RBFOX1: variants seen among roughly 807,000 people sequenced by gnomAD.
RBFOX1 encodes the protein RNA binding fox-1 homolog 1.
RBFOX1 carries 8 observed loss-of-function variants against 57.7 expected under a neutral mutation model. That is an observed-to-expected ratio of 0.14 (90% CI 0.08 to 0.25). The LOEUF is 0.25. RBFOX1 is among the 10% of genes least tolerant of loss of function. The probability of loss-of-function intolerance (pLI) is 1.00; values close to 1 mark genes in which losing one functional copy is unlikely to be tolerated. For missense variants in RBFOX1, 611 were observed against 548.5 expected (o/e 1.11, Z -1.14); for synonymous variants, 326 against 222.4 (o/e 1.47, Z -4.15).
rs367667740 is a variant in RBFOX1, at chr16:6,860,401, A to G, written c.-15-191656A>G. Among the ~76,000 whole-genome samples, 51 of 152,326 alleles carry G rather than the reference A, an allele frequency of 3.3e-4. No homozygotes were observed. The East Asian group carries it at 4.1e-3, about 12-fold the overall frequency. Reference sequence around the variant, plus strand: ...TTATTTCAAACTCTTCAAATCTGCAAGTCTTACAAAACACTACACGTTGGC... The same window carrying G: ...TTATTTCAAACTCTTCAAATCTGCAGGTCTTACAAAACACTACACGTTGGC... On this transcript the variant is annotated intron_variant, in intron 3 of 15. Coordinates refer to ENST00000550418, the MANE Select transcript of RBFOX1 (RefSeq NM_018723.4).
chr16:6,269,277 A>G lies in RBFOX1; in HGVS notation c.-126-47718A>G, dbSNP rs568116016. 3.9e-5 allele frequency among the ~76,000 whole-genome samples: 6 copies of G among 152,220 alleles called. No homozygotes were observed. In the South Asian group the frequency reaches 1.2e-3, roughly 32 times the overall value. On this transcript the variant is annotated intron_variant, in intron 1 of 15. Transcript: ENST00000550418. ...ATTTAATTTGTATTATTTTTATTGT[A>G]TTGTTATTTATTTTTAAATTTTTGG...
chr16:7,707,948 A>G (rs1261382387), intron 14 of RBFOX1, among the ~76,000 whole-genome samples: 2 of 152,196 alleles, frequency 1.3e-5, no homozygotes, highest in Non-Finnish European at 2.9e-5. Flanking sequence ...GTCAGTATTA[A>G]GATAGCAGCA....
rs182532859 is a variant in RBFOX1 at position 6,307,058 on chromosome 16, C to T, written c.-126-9937C>T. Among the ~76,000 whole-genome samples the T allele has an allele frequency of 1.1e-4, 17 of 152,310 alleles. No homozygotes were observed. In the East Asian group the frequency reaches 2.9e-3, roughly 26 times the overall value. On this transcript the variant is annotated intron_variant, in intron 1 of 15. Coordinates refer to ENST00000550418, the MANE Select transcript of RBFOX1 (RefSeq NM_018723.4). ...AGAGGCAGACTAAACATTACATCAGCGTAAGGACTTCAGAGTCACACAGAA... is the reference window on the plus strand; with the variant it reads ...AGAGGCAGACTAAACATTACATCAGTGTAAGGACTTCAGAGTCACACAGAA...
chr16:5,918,657 T>C (rs1326437956), intron 4 of RBFOX1, among the ~76,000 whole-genome samples: 2 of 152,182 alleles, frequency 1.3e-5, no homozygotes, highest in African/African-American at 2.4e-5. Context: ...GCATTCCTTA[T>C]CTCCAGGAAA....
At chr16:6,555,422 G>C (rs2097080418) in intron 2 of RBFOX1, among the ~76,000 whole-genome samples, 1 of 152,154 alleles carries the variant, frequency 6.6e-6, no homozygotes, top group East Asian at 1.9e-4. Flanking sequence ...CATTCCAGCT[G>C]GGCACGGTGG....
intron 4 of RBFOX1, among the ~76,000 whole-genome samples, chr16:7,265,091 G>A (rs894159600): frequency 1.3e-5 from 2 of 152,226 alleles, no homozygotes; most frequent in Non-Finnish European, 2.9e-5. Flanking sequence ...CTTTGTTCTA[G>A]CAATATTTAT....
At chr16:5,710,416 G>A (rs55801818) in intron 3 of RBFOX1, among the ~76,000 whole-genome samples, 115 of 152,228 alleles carry the variant, frequency 7.6e-4, no homozygotes, top group African/African-American at 2.6e-3. Context: ...GTAGCCTTGC[G>A]CAGTTGCGGG....
chr16:5,905,305 G>T (rs939230843), intron 4 of RBFOX1, among the ~76,000 whole-genome samples: 4 of 151,700 alleles, frequency 2.6e-5, no homozygotes, highest in African/African-American at 9.7e-5. Context: ...CACCCGCCTC[G>T]GCCTCCCAAA....
chr16:7,564,597 C>G (rs1230910787), intron 5 of RBFOX1, among the ~76,000 whole-genome samples: 1 of 145,568 alleles, frequency 6.9e-6, no homozygotes, highest in East Asian at 2.2e-4. Flanking sequence ...AGGAAGAGGG[C>G]CCTTCCCAGG....
At chr16:6,818,109 C>T (rs1477462344) in intron 3 of RBFOX1, among the ~76,000 whole-genome samples, 2 of 152,100 alleles carry the variant, frequency 1.3e-5, no homozygotes, top group Admixed American at 1.3e-4. Flanking sequence ...TCAGATTTTC[C>T]ACCCCTCCCT....
At chr16:7,435,157 T>C (rs149186436) in intron 4 of RBFOX1, among the ~76,000 whole-genome samples, 3 of 152,332 alleles carry the variant, frequency 2.0e-5, no homozygotes, top group Non-Finnish European at 2.9e-5. Context: ...TTCCAGGATG[T>C]CACATTACAA....
chr16:6,549,118 G>A (rs1290531875), intron 2 of RBFOX1, among the ~76,000 whole-genome samples: 1 of 85,228 alleles, frequency 1.2e-5, no homozygotes, highest in Non-Finnish European at 2.3e-5. Flanking sequence ...GAAAGAGAAG[G>A]AAGAGGGGAG....
Position 5,907,549 on chromosome 16 carries a change from C to A in RBFOX1, c.351+40214C>A, listed in dbSNP as rs148890479. Among the ~76,000 whole-genome samples, 3 of 152,176 alleles carry A rather than the reference C, an allele frequency of 2.0e-5. No homozygotes were observed. In the East Asian group the frequency reaches 5.8e-4, roughly 29 times the overall value. ...GTCTTGCTTATGCTGTGTGATTTTA[C>A]GTGCTTATATTTACTGAGTACCACA... On this transcript the variant is annotated intron_variant, in intron 4 of 19. Coordinates refer to the RBFOX1 transcript ENST00000641259.
intron 3 of RBFOX1, among the ~76,000 whole-genome samples, chr16:6,764,737 G>C (rs1012704071): frequency 6.6e-6 from 1 of 152,108 alleles, no homozygotes; most frequent in Non-Finnish European, 1.5e-5. Context: ...AGGTGTACGA[G>C]ACCAACCTGG....
chr16:6,858,377 C>G (rs137858009), intron 3 of RBFOX1, among the ~76,000 whole-genome samples: 55 of 152,244 alleles, frequency 3.6e-4, no homozygotes, highest in African/African-American at 1.2e-3. Context: ...GTGATACTTT[C>G]CTCTCCTTGT....
intron 3 of RBFOX1, among the ~76,000 whole-genome samples, chr16:7,016,760 C>T (rs531060580): frequency 2.0e-4 from 31 of 152,218 alleles, no homozygotes; most frequent in East Asian, 9.7e-4. Flanking sequence ...TTCACTGGGC[C>T]GTTTTAGGAT....
intron 2 of RBFOX1, among the ~76,000 whole-genome samples, chr16:6,348,390 A>G (rs1014929028): frequency 3.3e-5 from 5 of 152,192 alleles, no homozygotes; most frequent in Non-Finnish European, 5.9e-5. Context: ...ACAGAGACTT[A>G]TATGGCATTT....
intron 4 of RBFOX1, among the ~76,000 whole-genome samples, chr16:7,189,950 A>C (rs2084964943): frequency 6.6e-6 from 1 of 152,192 alleles, no homozygotes; most frequent in Non-Finnish European, 1.5e-5. Flanking sequence ...GACATCAATT[A>C]GTGATGCAAA....
intron 1 of RBFOX1, among the ~76,000 whole-genome samples, chr16:5,423,694 C>G (rs568814329): frequency 1.3e-5 from 2 of 152,330 alleles, no homozygotes; most frequent in African/African-American, 4.8e-5. Context: ...GCTGTCTGCT[C>G]TGTCCCCCCT....
Sources: gnomAD v4.1 joint callset for allele counts (sites outside exome capture counted in the v4.1 genomes callset) on GRCh38, gnomAD v4.1.1 for gene constraint, MANE v1.5 for transcripts, NCBI Gene and HGNC (gene_info 2026-07-23, HGNC 2026-07-21) for gene names.